The following PFKFB2 variants were observed in gnomAD, a reference collection of about 807,000 sequenced individuals.
PFKFB2 encodes the protein 6-phosphofructo-2-kinase/fructose-2,6-bisphosphatase 2.
PFKFB2 carries 53 observed loss-of-function variants against 68.0 expected under a neutral mutation model. The observed-to-expected ratio is 0.78, with a 90% confidence interval of 0.63 to 0.98. PFKFB2 has a LOEUF of 0.98. Among genes scored for constraint, PFKFB2 ranks in the 50% least tolerant of loss-of-function variants. The pLI is 0.00. For missense variants in PFKFB2, 451 were observed against 642.0 expected (o/e 0.70, Z 3.22); for synonymous variants, 222 against 227.6 (o/e 0.98, Z 0.22).
upstream of PFKFB2, chr1:207,050,996 A>C: frequency 6.5e-7 from 1 of 1,529,980 alleles, no homozygotes; most frequent in Non-Finnish European, 8.8e-7. Flanking sequence ...CGCCGGGTGG[A>C]CTCCAAAATG....
In PFKFB2 at chr1:207,067,483, T is replaced by TC; in HGVS notation, c.633-14dup. 2 of 1,591,116 alleles carry TC rather than the reference T, an allele frequency of 1.3e-6. No homozygotes were observed. The highest frequency in any genetic ancestry group is 1.7e-6 in the Non-Finnish European group (2 of 1,165,158). On this transcript the variant is annotated splice_polypyrimidine_tract_variant and intron_variant, in intron 8 of 14. Coordinates refer to ENST00000367080, the MANE Select transcript of PFKFB2 (RefSeq NM_006212.2). The stretch of plus-strand genomic sequence containing the variant: ...CTTCTTACCTAGGGAATTTTTTTTT[T>TC]CCTTTCCTGTCCCAGGGATCTTTCT...
At chr1:207,071,358 C>T in intron 13 of PFKFB2, 108 bp downstream of exon 13, 2 of 1,100,962 alleles carry the variant, frequency 1.8e-6, no homozygotes, top group Middle Eastern at 2.0e-4. Context: ...ACCAGGGAAG[C>T]TCCATCAGTG....
In PFKFB2 at chr1:207,070,291, C is replaced by A. The variant is rs200235696; in HGVS notation, c.1104C>A (p.Asp368Glu). The A allele has an allele frequency of 5.6e-6, 9 of 1,613,358 alleles. No homozygotes were observed. The Admixed American group carries it at 1.2e-4, about 21-fold the overall frequency. The change falls in exon 12 of 15, where the codon GAC (aspartate) becomes GAA (glutamate). Residue 368 changes from aspartate to glutamate, a missense_variant. Coordinates refer to ENST00000367080, the MANE Select transcript of PFKFB2 (RefSeq NM_006212.2). This position sits in a 1 kb window ranked among gnomAD's most constrained non-coding sequence, Gnocchi z 4.2. Reference sequence around the variant, plus strand: ...ATTTCCCTCCACAGTCATACCAGGACCTGGTGCAGCGGCTGGAGCCTGTCA... The same window carrying A: ...ATTTCCCTCCACAGTCATACCAGGAACTGGTGCAGCGGCTGGAGCCTGTCA... ...YRYPGGESYQ[D>E]LVQRLEPVIM... is the part of the protein sequence containing the mutation.
At chr1:207,057,681 T>G (rs1003955439) in intron 2 of PFKFB2, among the ~76,000 whole-genome samples, 3 of 152,222 alleles carry the variant, frequency 2.0e-5, no homozygotes, top group Admixed American at 6.5e-5. Flanking sequence ...TTCTTCCAAA[T>G]TTGATTCTTT....
At chr1:207,042,345 A>G (rs1682493162) in intron 2 of PFKFB2, 2 of 151,976 alleles carry the variant, frequency 1.3e-5, no homozygotes, top group Non-Finnish European at 2.9e-5. Context: ...TCAGGAGATC[A>G]AGACCATCCT....
In PFKFB2 at chr1:207,072,486, C is replaced by G. The variant is rs368203997; in HGVS notation, c.*115C>G. Reference sequence around the variant, plus strand: ...CATTAACTTCCTCCCTCTATGCCCACCCCTGACACTTCACCATTAATCTTA... The same window carrying G: ...CATTAACTTCCTCCCTCTATGCCCAGCCCTGACACTTCACCATTAATCTTA... On this transcript the variant is annotated 3_prime_UTR_variant, in exon 15 of 15. Transcript: ENST00000367080. 4.5e-4 allele frequency: 661 copies of G among 1,478,324 alleles called. 12 individuals are homozygous for G. The South Asian group carries it at 7.7e-3, about 17-fold the overall frequency. The allele number at this position is 1,478,324 out of a possible 1,614,324, so 91.6% of individuals were successfully genotyped here.
At chr1:207,077,939 G>A (rs941274605), downstream of PFKFB2, 1 of 283,890 alleles carries the variant, frequency 3.5e-6, no homozygotes, top group Non-Finnish European at 5.3e-6. Context: ...ACAGAAGTTC[G>A]CACTGTAATT....
At position 207,075,420 on chromosome 1, in the gene PFKFB2, A is replaced by G. The variant is rs1044165865; in HGVS notation, c.*3049A>G. The G allele has an allele frequency of 2.0e-6, 2 of 985,342 alleles. No individual in the cohort carries two copies. Among genetic ancestry groups the G allele is most frequent in the Non-Finnish European group, 2.4e-6 (2 of 829,942 alleles). 61.0% of individuals were successfully genotyped at this position (985,342 alleles called of 1,614,324 possible). On this transcript the variant is annotated 3_prime_UTR_variant, in exon 15 of 15. Transcript: ENST00000367080. ...AAGCCAGGAGAATGTAGAATGGAAAAGAGCTCTTACTCCAAATTTTAGAGA... is the reference window on the plus strand; with the variant it reads ...AAGCCAGGAGAATGTAGAATGGAAAGGAGCTCTTACTCCAAATTTTAGAGA...
At chr1:207,065,501 C>T (rs1040551616) in intron 8 of PFKFB2, among the ~76,000 whole-genome samples, 11 of 151,928 alleles carry the variant, frequency 7.2e-5, no homozygotes, top group Admixed American at 7.2e-4. Flanking sequence ...CAGGTGTGCG[C>T]CACCATGCCC....
At chr1:207,061,289 T>C (rs1044455616) in intron 2 of PFKFB2, among the ~76,000 whole-genome samples, 10 of 146,974 alleles carry the variant, frequency 6.8e-5, no homozygotes, top group Non-Finnish European at 1.5e-4. Flanking sequence ...TCTCCCAAAT[T>C]GATGGGATTA....
At position 207,067,605 on chromosome 1, in the gene PFKFB2, G is replaced by C; in HGVS notation, c.739G>C (p.Val247Leu). 6.2e-7 allele frequency: 1 copy of C among 1,613,704 alleles called. No homozygotes were observed. The highest frequency in any genetic ancestry group is 8.5e-7 in the Non-Finnish European group (1 of 1,179,918). The change falls in exon 9 of 15, where the codon GTC becomes CTC. Residue 247 changes from valine to leucine, a missense_variant. Transcript: ENST00000367080. ...AGTCTACTACCTCATGAATATCCAC[G>C]TCCAGCCTCGCACCATTTACCTTTG... The part of the protein sequence containing the change: ...KIVYYLMNIH[V>L]QPRTIYLCRH...
chr1:207,053,858 C>T (rs1419143563), intron 1 of PFKFB2, among the ~76,000 whole-genome samples: 1 of 151,780 alleles, frequency 6.6e-6, no homozygotes, highest in Non-Finnish European at 1.5e-5. Context: ...CGAGATTTTC[C>T]CACGTCCCTC....
chr1:207,063,917 TG>T lies in PFKFB2; in HGVS notation c.507+89del. 4.4e-6 allele frequency: 2 copies of T among 457,158 alleles called. No homozygotes were observed. 28.3% of individuals were successfully genotyped at this position (457,158 alleles called of 1,614,324 possible). ...TGTGTGTGTGTGTGTGTGTGTGTGT[TG>T]TTGGGGAGGGGTGTTTTCGTAATGA... On this transcript the variant is annotated intron_variant, in intron 7 of 14. Coordinates refer to ENST00000367080, the MANE Select transcript of PFKFB2 (RefSeq NM_006212.2). The surrounding 1 kb of genome is among the most constrained non-coding windows in gnomAD (Gnocchi z 4.1).
chr1:207,048,605 C>A (rs1348789254), upstream of PFKFB2: 2 of 163,386 alleles, frequency 1.2e-5, no homozygotes, highest in African/African-American at 2.4e-5. Flanking sequence ...GTTAAAGCTG[C>A]TGGGTGCTAG....
Position 207,074,661 on chromosome 1 carries a change from A to G in PFKFB2, c.*2290A>G. The G allele has an allele frequency of 1.0e-6, 1 of 985,424 alleles. No homozygotes were observed. The highest frequency in any genetic ancestry group is 1.2e-6 in the Non-Finnish European group (1 of 829,900). The allele number at this position is 985,424 out of a possible 1,614,324, so 61.0% of individuals were successfully genotyped here. On this transcript the variant is annotated 3_prime_UTR_variant, in exon 15 of 15. Coordinates refer to ENST00000367080, the MANE Select transcript of PFKFB2 (RefSeq NM_006212.2). ...CCTGTTTAGTGGTTACATAACATGT[A>G]CTTAGTGTCTTTGTGGAGCTTTGGG...
At position 207,072,266 on chromosome 1, in the gene PFKFB2, C is replaced by T. The variant is rs373969318; in HGVS notation, c.1413C>T (p.Ser471=). 5 of 1,614,042 alleles carry T rather than the reference C, an allele frequency of 3.1e-6. No homozygotes were observed. The African/African-American group carries it at 6.7e-5, about 22-fold the overall frequency. The change falls in exon 15 of 15, where the codon TCC becomes TCT. Residue 471 remains serine, a synonymous_variant. Transcript: ENST00000367080. ...RMRRNSFTPL[S]SSNTIRRPRN... Reference sequence around the variant, plus strand: ...GAAGGAACAGCTTTACGCCTCTGTCCAGTTCGAATACAATAAGGCGTCCAA... The same window carrying T: ...GAAGGAACAGCTTTACGCCTCTGTCTAGTTCGAATACAATAAGGCGTCCAA...
In PFKFB2 at chr1:207,074,528, G is replaced by A. The variant is rs1572739126; in HGVS notation, c.*2157G>A. The stretch of plus-strand genomic sequence containing the variant: ...TCACTGGCAACTGACTCCTGACCCC[G>A]GGTCCTTTACTCGTATGTCCCAAGT... On this transcript the variant is annotated 3_prime_UTR_variant, in exon 15 of 15. Transcript: ENST00000367080. 5.1e-6 allele frequency: 5 copies of A among 985,352 alleles called. No individual in the cohort carries two copies. In the South Asian group the frequency reaches 1.4e-4, roughly 28 times the overall value. The allele number at this position is 985,352 out of a possible 1,614,324, so 61.0% of individuals were successfully genotyped here.
In PFKFB2 at chr1:207,065,074, C is replaced by T. The variant is rs72741390; in HGVS notation, c.546C>T (p.Asn182=). ...CAAGCCCTGACTATCCTGAAAGGAA[C>T]AGAGAGAACGTGATGGAGGACTTCC... ...KVSSPDYPER[N]RENVMEDFLK... The change falls in exon 8 of 15, where the codon AAC becomes AAT. Residue 182 remains asparagine (N), a synonymous_variant. Coordinates refer to ENST00000367080, the MANE Select transcript of PFKFB2 (RefSeq NM_006212.2). 380,366 of 1,613,386 alleles carry T rather than the reference C, an allele frequency of 0.24. 49,042 individuals carry two copies. The highest frequency in any genetic ancestry group is 0.27 in the Middle Eastern group (1,663 of 6,048).
chr1:207,067,615 G>A lies in PFKFB2; in HGVS notation c.749G>A (p.Arg250His). Residue 250 changes from arginine (R) to histidine (H), a missense_variant, in exon 9 of 15, where the codon CGC (arginine) becomes CAC (histidine). Arg to His is a conservative substitution (Grantham distance 29). Coordinates refer to ENST00000367080, the MANE Select transcript of PFKFB2 (RefSeq NM_006212.2). ...CTCATGAATATCCACGTCCAGCCTCGCACCATTTACCTTTGCCGGCATGGA... is the reference window on the plus strand; with the variant it reads ...CTCATGAATATCCACGTCCAGCCTCACACCATTTACCTTTGCCGGCATGGA... ...YYLMNIHVQPRTIYLCRHGES... is the reference protein window; with the variant it reads ...YYLMNIHVQPHTIYLCRHGES... 4 of 1,613,768 alleles carry A rather than the reference G, an allele frequency of 2.5e-6. No individual in the cohort carries two copies. The highest frequency in any genetic ancestry group is 1.3e-5 in the African/African-American group (1 of 74,900).
Sources: allele counts gnomAD v4.1 joint callset (sites outside exome capture counted in the v4.1 genomes callset), GRCh38; gene constraint gnomAD v4.1.1; non-coding constraint Gnocchi (gnomAD v3.1); transcripts MANE v1.5; gene names NCBI Gene and HGNC (gene_info 2026-07-23, HGNC 2026-07-21).